TTLL9: variants seen among roughly 807,000 people sequenced by gnomAD.
TTLL9 encodes tubulin tyrosine ligase like 9, also known as probable tubulin polyglutamylase TTLL9.
TTLL9 carries 47 observed loss-of-function variants against 65.6 expected under a neutral mutation model. That is an observed-to-expected ratio of 0.72 (90% CI 0.57 to 0.91). The LOEUF is 0.91. Among genes scored for constraint, TTLL9 ranks in the 40% least tolerant of loss-of-function variants. The pLI, the probability that TTLL9 is intolerant of heterozygous loss-of-function variation, is 0.00. For missense variants in TTLL9, 537 were observed against 568.8 expected (o/e 0.94, Z 0.57); for synonymous variants, 179 against 204.8 (o/e 0.87, Z 1.07).
intron 2 of TTLL9, among the ~76,000 whole-genome samples, chr20:31,873,801 G>A (rs867880202): frequency 1.3e-4 from 11 of 85,644 alleles, no homozygotes; most frequent in African/African-American, 3.1e-4. Context: ...AGAAAGGAAG[G>A]AAGGAAGGAA....
chr20:31,900,760 A>G (rs1166774538), intron 4 of TTLL9, among the ~76,000 whole-genome samples: 1 of 152,118 alleles, frequency 6.6e-6, no homozygotes, highest in South Asian at 2.1e-4. Flanking sequence ...GAGGAGAGTT[A>G]GAAGAGAGTG....
chr20:31,926,223 C>A, intron 10 of TTLL9, 132 bp downstream of exon 10: 1 of 675,022 alleles, frequency 1.5e-6, no homozygotes, highest in Non-Finnish European at 2.7e-6. Context: ...TGGTGCTATG[C>A]CTAACATTCA....
intron 2 of TTLL9, among the ~76,000 whole-genome samples, chr20:31,886,963 A>G (rs1354981534): frequency 6.6e-6 from 1 of 152,252 alleles, no homozygotes; most frequent in East Asian, 1.9e-4. Context: ...GCAAACCTGC[A>G]GTAAGGTGGT....
chr20:31,911,829 T>C (rs1038103153), intron 6 of TTLL9, among the ~76,000 whole-genome samples: 1 of 105,460 alleles, frequency 9.5e-6, no homozygotes, highest in African/African-American at 3.5e-5. Flanking sequence ...GGTGTGTCTG[T>C]GCGTGTGTGT....
rs2063901733 is a variant in TTLL9, at chr20:31,926,111, C to T, written c.748+20C>T. 6.4e-7 allele frequency: 1 copy of T among 1,555,662 alleles called. No individual in the cohort carries two copies. Among genetic ancestry groups the T allele is most frequent in the African/African-American group, 1.4e-5 (1 of 73,700 alleles). ...GACAGGGTATGAGATAGGTCTGGTC[C>T]CTTCCCTCCGGGAGCTTCCAGTTTT... On this transcript the variant is annotated intron_variant, in intron 10 of 14. Coordinates refer to ENST00000535842, the MANE Select transcript of TTLL9 (RefSeq NM_001008409.5).
At chr20:31,938,915 AG>A (rs1265095164) in intron 13 of TTLL9, among the ~76,000 whole-genome samples, 1 of 152,132 alleles carries the variant, frequency 6.6e-6, no homozygotes, top group African/African-American at 2.4e-5. Context: ...AAAAACAAAT[AG>A]GGGCATGTTA....
At chr20:31,939,099 C>G in intron 13 of TTLL9, 43 bp from the exon 14 acceptor site, 2 of 1,521,984 alleles carry the variant, frequency 1.3e-6, no homozygotes, top group Non-Finnish European at 1.8e-6. Flanking sequence ...AGGGCTCTGC[C>G]AGGTGCACCT....
chr20:31,876,407 T>C (rs1011716124), intron 2 of TTLL9, among the ~76,000 whole-genome samples: 72 of 152,206 alleles, frequency 4.7e-4, no homozygotes, highest in African/African-American at 1.5e-3. Context: ...GATCGTACCA[T>C]TGCACTCCAG....
chr20:31,872,270 C>CA (rs1273141254), intron 2 of TTLL9, among the ~76,000 whole-genome samples: 1 of 152,180 alleles, frequency 6.6e-6, no homozygotes, highest in Non-Finnish European at 1.5e-5. Context: ...AGTGGAAAGC[C>CA]AGGCGCAGTG....
chr20:31,888,468 TTTTA>T (rs1394958263), intron 3 of TTLL9, among the ~76,000 whole-genome samples: 1 of 152,030 alleles, frequency 6.6e-6, no homozygotes, highest in African/African-American at 2.4e-5. Flanking sequence ...ACCTGAGACT[TTTTA>T]TTTATTTATT....
At chr20:31,940,021 CATTTT>C (rs2064178232) in intron 14 of TTLL9, 1 of 152,086 alleles carries the variant, frequency 6.6e-6, no homozygotes, top group Non-Finnish European at 1.5e-5. Context: ...GGCACAATTG[CATTTT>C]ATTTTTTTTT....
At chr20:31,900,025 G>A (rs1160827409) in intron 4 of TTLL9, among the ~76,000 whole-genome samples, 1 of 152,196 alleles carries the variant, frequency 6.6e-6, no homozygotes, top group African/African-American at 2.4e-5. Flanking sequence ...CTCCTGAAGT[G>A]CTGGGATTAC....
At position 31,932,471 on chromosome 20, in the gene TTLL9, C is replaced by CAAA. The variant is rs58783829; in HGVS notation, c.749-1317_749-1315dup. Among the ~76,000 whole-genome samples the CAAA allele has an allele frequency of 2.3e-3, 197 of 86,474 alleles. 10 individuals carry two copies. Among genetic ancestry groups the CAAA allele is most frequent in the African/African-American group, 9.9e-3 (177 of 17,916 alleles). The allele number at this position is 86,474 out of a possible 152,430, so 56.7% of individuals were successfully genotyped here. ...TGGGTGACAGAGCAAGACCCTGTCT[C>CAAA]AAAAAAAAAAAAAAGGTCTAAAGAA... On this transcript the variant is annotated intron_variant, in intron 10 of 14. Coordinates refer to ENST00000535842, the MANE Select transcript of TTLL9 (RefSeq NM_001008409.5).
chr20:31,902,958 C>T (rs745542856), intron 4 of TTLL9, among the ~76,000 whole-genome samples: 19 of 152,010 alleles, frequency 1.2e-4, no homozygotes, highest in Non-Finnish European at 2.1e-4. Context: ...TGACCTCCCG[C>T]GCTCAAGTGA....
At chr20:31,906,033 C>CAAAAAAAAA (rs892374670) in intron 4 of TTLL9, among the ~76,000 whole-genome samples, 1 of 47,722 alleles carries the variant, frequency 2.1e-5, no homozygotes, top group African/African-American at 8.0e-5. Context: ...AATTTCATCT[C>CAAAAAAAAA]AAAAAAAAAA....
chr20:31,937,432 A>G lies in TTLL9; in HGVS notation c.1041A>G (p.Thr347=). ...LLEVNASPSL[T]ASSQEDYELK... ...AGGTCAATGCGTCCCCATCACTGAC[A>G]GCCAGCAGCCAGGAAGACTATGAGC... is the stretch of plus-strand genomic sequence containing the variant. Residue 347 remains threonine (T), a synonymous_variant, in exon 13 of 15, where the codon ACA becomes ACG. Transcript: ENST00000535842. 1 of 1,613,844 alleles carries G rather than the reference A, an allele frequency of 6.2e-7. No individual in the cohort carries two copies. The highest frequency in any genetic ancestry group is 8.5e-7 in the Non-Finnish European group (1 of 1,179,882).
At chr20:31,905,336 A>G (rs1403030858) in intron 4 of TTLL9, among the ~76,000 whole-genome samples, 1 of 151,796 alleles carries the variant, frequency 6.6e-6, no homozygotes, top group Non-Finnish European at 1.5e-5. Flanking sequence ...CGGCCTCCCA[A>G]AGTGCTAGGA....
intron 10 of TTLL9, among the ~76,000 whole-genome samples, chr20:31,927,336 T>A (rs1212231558): frequency 1.3e-5 from 2 of 151,752 alleles, no homozygotes; most frequent in Non-Finnish European, 2.9e-5. Flanking sequence ...ACAAAATTAG[T>A]TGGGCATTGT....
At chr20:31,873,726 G>GA (rs1272391812) in intron 2 of TTLL9, among the ~76,000 whole-genome samples, 4 of 113,110 alleles carry the variant, frequency 3.5e-5, no homozygotes, top group African/African-American at 1.4e-4. Flanking sequence ...AAGAAAGAAA[G>GA]AAAGAAAGAA....
Sources: allele counts gnomAD v4.1 joint callset (sites outside exome capture counted in the v4.1 genomes callset), GRCh38; gene constraint gnomAD v4.1.1; transcripts MANE v1.5; gene names NCBI Gene and HGNC (gene_info 2026-07-23, HGNC 2026-07-21).